TMEM144: variants seen among roughly 807,000 people sequenced by gnomAD.
The protein encoded by TMEM144 is transmembrane protein 144.
A neutral mutation model predicts 43.6 loss-of-function variants in TMEM144; 39 were observed. That is an observed-to-expected ratio of 0.90 (90% CI 0.69 to 1.17). The LOEUF is 1.17. Ranked by LOEUF, TMEM144 falls within the 50% of genes most tolerant of loss-of-function variation. The probability of loss-of-function intolerance (pLI) is 0.00; values close to 1 mark genes in which losing one functional copy is unlikely to be tolerated. For missense variants in TMEM144, 417 were observed against 411.9 expected (o/e 1.01, Z -0.11); for synonymous variants, 154 against 133.6 (o/e 1.15, Z -1.06).
intron 5 of TMEM144, among the ~76,000 whole-genome samples, chr4:158,218,225 A>G (rs1441821961): frequency 1.3e-5 from 2 of 152,176 alleles, no homozygotes; most frequent in Admixed American, 6.5e-5. Context: ...CTCAGTAGCT[A>G]ATATGGGGAG....
Position 158,240,367 on chromosome 4 carries a change from T to G in TMEM144, c.751T>G (p.Cys251Gly). 1.2e-6 allele frequency: 2 copies of G among 1,613,970 alleles called. No homozygotes were observed. Among genetic ancestry groups the G allele is most frequent in the Non-Finnish European group, 1.7e-6 (2 of 1,179,926 alleles). The change falls in exon 10 of 13, where the codon TGC becomes GGC. Residue 251 changes from cysteine (C) to glycine (G), a missense_variant. By Grantham distance (159) the Cys-to-Gly change is radical (BLOSUM62 -3). Transcript: ENST00000296529. ...AAGTACTGTCTACTTTCTGGCCTAC[T>G]GCATAGCCATGAAAAATAGTCCTAA... is the stretch of plus-strand genomic sequence containing the variant. ...LTSTVYFLAY[C>G]IAMKNSPKLY...
chr4:158,251,920 T>G (rs938340448), intron 12 of TMEM144, among the ~76,000 whole-genome samples: 2 of 152,068 alleles, frequency 1.3e-5, no homozygotes, highest in African/African-American at 4.8e-5. Flanking sequence ...ATAAATAAAT[T>G]AGACTCTTTA....
intron 6 of TMEM144, among the ~76,000 whole-genome samples, chr4:158,229,072 G>C (rs1249148175): frequency 2.0e-5 from 3 of 152,216 alleles, no homozygotes; most frequent in Admixed American, 6.5e-5. Context: ...TAGGCCATTG[G>C]TCGATCTTTA....
At chr4:158,215,851 C>G (rs1734194894) in intron 4 of TMEM144, among the ~76,000 whole-genome samples, 1 of 152,010 alleles carries the variant, frequency 6.6e-6, no homozygotes, top group Non-Finnish European at 1.5e-5. Flanking sequence ...AAATGTTTCC[C>G]TTCAATTAAT....
chr4:158,216,544 T>G (rs192233742), intron 4 of TMEM144, among the ~76,000 whole-genome samples: 359 of 152,252 alleles, frequency 2.4e-3, no homozygotes, highest in African/African-American at 8.3e-3. Flanking sequence ...AGAATAATAT[T>G]AAAACCCTAA....
intron 4 of TMEM144, among the ~76,000 whole-genome samples, chr4:158,215,977 T>A (rs1734201399): frequency 6.6e-6 from 1 of 151,972 alleles, no homozygotes; most frequent in Admixed American, 6.6e-5. Context: ...AAAACTTTAT[T>A]AAAAAAATTA....
chr4:158,249,017 C>T (rs1736036074), intron 12 of TMEM144, among the ~76,000 whole-genome samples: 1 of 152,154 alleles, frequency 6.6e-6, no homozygotes, highest in Non-Finnish European at 1.5e-5. Flanking sequence ...AGCGATTCTC[C>T]TGCCTCAGCC....
intron 1 of TMEM144, chr4:158,210,926 A>G (rs890455458): frequency 2.6e-5 from 4 of 152,194 alleles, no homozygotes; most frequent in African/African-American, 9.6e-5. Context: ...TAAAATAAAA[A>G]TGAATTAATA....
At chr4:158,229,464 T>A (rs1238551532) in intron 6 of TMEM144, among the ~76,000 whole-genome samples, 1 of 152,132 alleles carries the variant, frequency 6.6e-6, no homozygotes, top group Non-Finnish European at 1.5e-5. Context: ...TTAGAGGATC[T>A]CACCCAGTTG....
intron 8 of TMEM144, chr4:158,237,293 A>G: frequency 2.3e-6 from 1 of 434,270 alleles, no homozygotes; most frequent in Non-Finnish European, 4.1e-6. Flanking sequence ...TCTATAAATC[A>G]TGTACTTCTA....
intron 10 of TMEM144, among the ~76,000 whole-genome samples, chr4:158,241,182 T>C (rs1040225074): frequency 2.6e-5 from 4 of 152,074 alleles, no homozygotes; most frequent in African/African-American, 9.7e-5. Flanking sequence ...ATATCTATGG[T>C]TTACGGTAAA....
intron 6 of TMEM144, among the ~76,000 whole-genome samples, chr4:158,219,807 C>T (rs1419799863): frequency 6.6e-6 from 1 of 152,210 alleles, no homozygotes; most frequent in Non-Finnish European, 1.5e-5. Flanking sequence ...CTTCCTATCT[C>T]ACCTAGTTTC....
At chr4:158,224,376 GAT>G (rs1421956095) in intron 6 of TMEM144, among the ~76,000 whole-genome samples, 1 of 152,110 alleles carries the variant, frequency 6.6e-6, no homozygotes, top group Admixed American at 6.6e-5. Context: ...TCACTCTGAT[GAT>G]AGTTTCTTTT....
chr4:158,240,239 A>G (rs189809410), intron 9 of TMEM144, 60 bp from the exon 10 acceptor site: 2 of 1,541,772 alleles, frequency 1.3e-6, no homozygotes, highest in Non-Finnish European at 8.7e-7. Context: ...ATTTTCAGAA[A>G]TCTAAATATA....
In TMEM144 at chr4:158,217,435, A is replaced by T; in HGVS notation, c.332+15A>T. ...GCAAGCTCAAGGTAATTCAAGTCAA[A>T]CTAGTTCAACTAAGATTTCCTGCAT... On this transcript the variant is annotated intron_variant, in intron 5 of 12. Coordinates refer to ENST00000296529, the MANE Select transcript of TMEM144 (RefSeq NM_018342.5). The T allele has an allele frequency of 6.5e-7, 1 of 1,540,698 alleles. No individual in the cohort carries two copies. The highest frequency in any genetic ancestry group is 9.0e-7 in the Non-Finnish European group (1 of 1,114,442).
chr4:158,235,972 G>A (rs978628653), intron 8 of TMEM144, among the ~76,000 whole-genome samples: 41 of 152,178 alleles, frequency 2.7e-4, no homozygotes, highest in Admixed American at 2.6e-3. Context: ...TTCTGTGTCC[G>A]TGTGGGTCCT....
chr4:158,228,171 C>T (rs897408285), intron 6 of TMEM144, among the ~76,000 whole-genome samples: 1 of 152,204 alleles, frequency 6.6e-6, no homozygotes, highest in African/African-American at 2.4e-5. Context: ...ACAGGCACAC[C>T]GTGGGTGATC....
intron 9 of TMEM144, among the ~76,000 whole-genome samples, chr4:158,238,773 T>C (rs1225437892): frequency 6.6e-6 from 1 of 152,104 alleles, no homozygotes; most frequent in Non-Finnish European, 1.5e-5. Flanking sequence ...AAACAACTAA[T>C]TGTTCAGGAG....
At position 158,237,265 on chromosome 4, in the gene TMEM144, T is replaced by C. The variant is rs1735397214; in HGVS notation, c.564-260T>C. ...TCTCATCTATGTAATGACAACATAATTATAATCCATTTTAATTTCTATAAA... is the reference window on the plus strand; with the variant it reads ...TCTCATCTATGTAATGACAACATAACTATAATCCATTTTAATTTCTATAAA... On this transcript the variant is annotated intron_variant, in intron 8 of 12. Coordinates refer to ENST00000296529, the MANE Select transcript of TMEM144 (RefSeq NM_018342.5). The C allele has an allele frequency of 1.1e-5, 4 of 351,326 alleles. No individual in the cohort carries two copies. The East Asian group carries it at 2.0e-4, about 17-fold the overall frequency. 21.8% of individuals were successfully genotyped at this position (351,326 alleles called of 1,614,324 possible). A position where few individuals can be genotyped will look rare whatever the true frequency, so the allele number is the denominator to read the frequency against.
Sources: allele counts gnomAD v4.1 joint callset (sites outside exome capture counted in the v4.1 genomes callset), GRCh38; gene constraint gnomAD v4.1.1; transcripts MANE v1.5; gene names NCBI Gene and HGNC (gene_info 2026-07-23, HGNC 2026-07-21).